RORA: variants seen among roughly 807,000 people sequenced by gnomAD.
RORA encodes RAR related orphan receptor A, also known as nuclear receptor ROR-alpha.
Under a neutral mutation model 69.5 loss-of-function variants are expected in RORA, and 7 were observed. That is an observed-to-expected ratio of 0.10 (90% CI 0.06 to 0.19). The LOEUF is 0.19. RORA is among the 10% of genes least tolerant of loss of function. RORA has a pLI of 1.00. For synonymous variants in RORA, 261 were observed against 240.8 expected, an observed-to-expected ratio of 1.08 and a Z score of -0.78; for missense variants, 457 against 663.0, an observed-to-expected ratio of 0.69 and a Z score of 3.41.
chr15:61,071,683 A>AG (rs2078367464), intron 1 of RORA, among the ~76,000 whole-genome samples: 1 of 34,642 alleles, frequency 2.9e-5, no homozygotes, highest in Admixed American at 3.6e-4. Flanking sequence ...GAGAGGGGGG[A>AG]GAGGGGAGGG....
intron 1 of RORA, among the ~76,000 whole-genome samples, chr15:61,081,856 C>G (rs1318868624): frequency 1.3e-5 from 2 of 151,176 alleles, no homozygotes; most frequent in African/African-American, 4.9e-5. Context: ...ACCTATACAG[C>G]AAGTGCTAGA....
chr15:61,184,888 G>A lies in RORA; in HGVS notation c.166+44165C>T, dbSNP rs148243131. On this transcript the variant is annotated intron_variant, in intron 1 of 10. Transcript: ENST00000335670. The stretch of plus-strand genomic sequence containing the variant: ...TAGTTGTTGCTACTTGGAAGGCTGA[G>A]GTAGGAAGATACCTCGAGCTCAGCA... 2.7e-4 allele frequency among the ~76,000 whole-genome samples: 40 copies of A among 149,302 alleles called. No individual in the cohort carries two copies. In the East Asian group the frequency reaches 7.7e-3, roughly 29 times the overall value.
At chr15:61,207,451 A>T (rs2079952884) in intron 1 of RORA, among the ~76,000 whole-genome samples, 1 of 152,204 alleles carries the variant, frequency 6.6e-6, no homozygotes, top group African/African-American at 2.4e-5. Flanking sequence ...TCCATTAGCT[A>T]GAAGCTCAGC....
intron 1 of RORA, among the ~76,000 whole-genome samples, chr15:60,827,665 G>A (rs1470987188): frequency 1.3e-5 from 2 of 152,170 alleles, no homozygotes; most frequent in Non-Finnish European, 2.9e-5. Flanking sequence ...GCTGCCTCCT[G>A]GGAGAGAGGG....
intron 2 of RORA, among the ~76,000 whole-genome samples, chr15:60,611,736 C>A (rs906700869): frequency 6.6e-6 from 1 of 152,032 alleles, no homozygotes; most frequent in African/African-American, 2.4e-5. Flanking sequence ...GAGAGACCCG[C>A]CTTTCTGGCA....
chr15:60,958,899 G>A (rs1434223428), intron 1 of RORA, among the ~76,000 whole-genome samples: 4 of 152,156 alleles, frequency 2.6e-5, no homozygotes, highest in Non-Finnish European at 4.4e-5. Flanking sequence ...TTAGGTGGCT[G>A]GCAAGGAAGA....
intron 1 of RORA, among the ~76,000 whole-genome samples, chr15:61,015,025 C>T (rs954213470): frequency 6.6e-6 from 1 of 152,166 alleles, no homozygotes; most frequent in African/African-American, 2.4e-5. Context: ...CAGCAAGCAC[C>T]GGATCTCTCC....
intron 1 of RORA, among the ~76,000 whole-genome samples, chr15:61,162,800 A>G (rs1024320599): frequency 1.3e-5 from 2 of 152,228 alleles, no homozygotes; most frequent in African/African-American, 2.4e-5. Context: ...GGCCAGCTCA[A>G]TAAATGGGCT....
chr15:61,041,105 A>G (rs140524141), intron 1 of RORA: 221 of 152,382 alleles, frequency 1.5e-3, no homozygotes, highest in Non-Finnish European at 2.7e-3. Flanking sequence ...AAAACTCACC[A>G]GTGCAATCAG....
intron 2 of RORA, among the ~76,000 whole-genome samples, chr15:60,549,893 T>C (rs1001923633): frequency 1.3e-5 from 2 of 152,218 alleles, no homozygotes; most frequent in Non-Finnish European, 2.9e-5. Flanking sequence ...ATCAACTGAA[T>C]TGTAAGGACA....
At position 60,915,245 on chromosome 15, in the gene RORA, C is replaced by T. The variant is rs184450347; in HGVS notation, c.167-236559G>A. 2.4e-4 allele frequency among the ~76,000 whole-genome samples: 36 copies of T among 152,240 alleles called. No individual in the cohort carries two copies. In the East Asian group the frequency reaches 7.0e-3, roughly 30 times the overall value. ...GGGCCAGAAGAAGCATCAAGACATG[C>T]TTTCTGAGCTGCATTTCAGATCATG... is the stretch of plus-strand genomic sequence containing the variant. On this transcript the variant is annotated intron_variant, in intron 1 of 10. Coordinates refer to ENST00000335670, the MANE Select transcript of RORA (RefSeq NM_134261.3).
intron 2 of RORA, among the ~76,000 whole-genome samples, chr15:60,620,778 G>C (rs564189480): frequency 6.6e-6 from 1 of 152,222 alleles, no homozygotes; most frequent in East Asian, 1.9e-4. Context: ...GTGGCTTTTC[G>C]GGTTAGTCCA....
At chr15:60,662,243 T>C (rs1341797298) in intron 2 of RORA, among the ~76,000 whole-genome samples, 1 of 152,228 alleles carries the variant, frequency 6.6e-6, no homozygotes, top group Non-Finnish European at 1.5e-5. Flanking sequence ...TAATTCTGGC[T>C]TAATTTGCAA....
chr15:60,707,262 T>G (rs1186816789), intron 1 of RORA, among the ~76,000 whole-genome samples: 2 of 152,200 alleles, frequency 1.3e-5, no homozygotes, highest in African/African-American at 4.8e-5. Context: ...TAGCCTGCTC[T>G]CTGACTCTAG....
intron 1 of RORA, among the ~76,000 whole-genome samples, chr15:60,817,476 T>C (rs1180843429): frequency 6.6e-6 from 1 of 152,224 alleles, no homozygotes; most frequent in Non-Finnish European, 1.5e-5. Context: ...TGCAATAAGA[T>C]GATGTATGTC....
chr15:61,090,140 G>A (rs1348459401), intron 1 of RORA, among the ~76,000 whole-genome samples: 3 of 152,158 alleles, frequency 2.0e-5, no homozygotes, highest in Admixed American at 6.5e-5. Context: ...CTCTAGAGTG[G>A]GGTAAAGTGA....
chr15:60,896,769 A>T (rs1161619086), intron 1 of RORA, among the ~76,000 whole-genome samples: 3 of 125,378 alleles, frequency 2.4e-5, no homozygotes, highest in African/African-American at 9.8e-5. Context: ...TAGCCAAGGG[A>T]ATTTAGGGTT....
chr15:61,001,516 C>A (rs1438819571), intron 1 of RORA, among the ~76,000 whole-genome samples: 2 of 152,212 alleles, frequency 1.3e-5, no homozygotes, highest in Non-Finnish European at 2.9e-5. Context: ...TTTATTATAT[C>A]TACCACTATA....
intron 1 of RORA, among the ~76,000 whole-genome samples, chr15:60,899,688 C>T (rs1891332217): frequency 6.6e-6 from 1 of 152,206 alleles, no homozygotes; most frequent in African/African-American, 2.4e-5. Context: ...AACCTACTTT[C>T]CAAAACAACT....
Sources: gnomAD v4.1 joint callset for allele counts (sites outside exome capture counted in the v4.1 genomes callset) on GRCh38, gnomAD v4.1.1 for gene constraint, MANE v1.5 for transcripts, NCBI Gene and HGNC (gene_info 2026-07-23, HGNC 2026-07-21) for gene names.